The following HSD17B12 variants were observed in gnomAD, a reference collection of about 807,000 sequenced individuals.
HSD17B12 encodes very-long-chain 3-oxoacyl-CoA reductase.
Under a neutral mutation model 39.3 loss-of-function variants are expected in HSD17B12, and 32 were observed. The ratio of observed to expected loss-of-function variants is 0.81; its 90% confidence interval spans 0.61 to 1.09. The LOEUF is 1.09. HSD17B12 is among the 50% of genes least tolerant of loss of function. The probability of loss-of-function intolerance (pLI) is 0.00; values close to 1 mark genes in which losing one functional copy is unlikely to be tolerated. For synonymous variants in HSD17B12, 150 were observed against 146.7 expected (o/e 1.02, Z -0.16); for missense variants, 342 against 382.9 (o/e 0.89, Z 0.89).
intron 1 of HSD17B12, among the ~76,000 whole-genome samples, chr11:43,685,616 G>T (rs1208051366): frequency 6.6e-6 from 1 of 152,174 alleles, no homozygotes; most frequent in Non-Finnish European, 1.5e-5. Flanking sequence ...GAATCAGAGG[G>T]TTTAGTAAAT....
chr11:43,630,569 G>A, the HSD17B12 span, among the ~76,000 whole-genome samples: 2 of 152,160 alleles, frequency 1.3e-5, no homozygotes, highest in Non-Finnish European at 2.9e-5. Context: ...ATGTCCAGCA[G>A]TGAGGTATCT....
chr11:43,590,506 A>ATTTTTTTTTTTTTTGTTTTTTTTTTT, the HSD17B12 span, among the ~76,000 whole-genome samples: 1 of 51,610 alleles, frequency 1.9e-5, no homozygotes, highest in African/African-American at 7.0e-5. Context: ...GGAGTGAGTG[A>ATTTTTTTTTTTTTTGTTTTTTTTTTT]TTTTTTTTTT....
At chr11:43,654,031 T>C in the HSD17B12 span, among the ~76,000 whole-genome samples, 1 of 152,164 alleles carries the variant, frequency 6.6e-6, no homozygotes, top group Non-Finnish European at 1.5e-5. Flanking sequence ...AGTGTTCCTA[T>C]TTCTCCACAT....
At chr11:43,801,698 G>A (rs1950971423) in intron 4 of HSD17B12, among the ~76,000 whole-genome samples, 1 of 151,474 alleles carries the variant, frequency 6.6e-6, no homozygotes, top group Admixed American at 6.6e-5. Context: ...TACAGATATA[G>A]TTTGGAGATT....
chr11:43,654,304 C>A, the HSD17B12 span, among the ~76,000 whole-genome samples: 1 of 152,146 alleles, frequency 6.6e-6, no homozygotes, highest in Admixed American at 6.6e-5. Context: ...AGCCCTTTGT[C>A]AGATGAGTAG....
At chr11:43,594,362 T>C in the HSD17B12 span, among the ~76,000 whole-genome samples, 1 of 151,922 alleles carries the variant, frequency 6.6e-6, no homozygotes, top group Non-Finnish European at 1.5e-5. Flanking sequence ...TAGGGAAAAT[T>C]CTCAGCAAAT....
the HSD17B12 span, among the ~76,000 whole-genome samples, chr11:43,619,194 A>ATTT: frequency 2.8e-5 from 2 of 70,840 alleles, no homozygotes; most frequent in Non-Finnish European, 6.1e-5. Flanking sequence ...ATATATATAT[A>ATTT]TATGATATAT....
Position 43,787,506 on chromosome 11 carries a change from G to A in HSD17B12, c.284-10814G>A, listed in dbSNP as rs1205281542. On this transcript the variant is annotated intron_variant, in intron 3 of 10. Transcript: ENST00000278353. ...AATCCCAACACTGTGGGAGGCCGAA[G>A]CGGGTAGATCACCTGAGGTCAGGAG... Among the ~76,000 whole-genome samples, 7 of 152,126 alleles carry A rather than the reference G, an allele frequency of 4.6e-5. No homozygotes were observed. The East Asian group carries it at 1.2e-3, about 25-fold the overall frequency.
At chr11:43,817,018 A>AT (rs1257577993) in intron 6 of HSD17B12, among the ~76,000 whole-genome samples, 2 of 54,828 alleles carry the variant, frequency 3.6e-5, no homozygotes, top group Non-Finnish European at 3.7e-5. Flanking sequence ...ATCTATATCT[A>AT]TATCTATATC....
chr11:43,816,394 A>G lies in HSD17B12; in HGVS notation c.501+3A>G. On this transcript the variant is annotated splice_donor_region_variant and intron_variant, in intron 6 of 10. Transcript: ENST00000278353. ...TTAATATTCTTTCTGTTTGTAAGGT[A>G]AGCATCCTTGTTATAAAGATGTCAT... 6.6e-7 allele frequency: 1 copy of G among 1,523,246 alleles called. No homozygotes were observed. The highest frequency in any genetic ancestry group is 1.4e-5 in the African/African-American group (1 of 71,168). The allele number at this position is 1,523,246 out of a possible 1,614,324, so 94.4% of individuals were successfully genotyped here.
chr11:43,730,493 A>G (rs188430886), intron 1 of HSD17B12, among the ~76,000 whole-genome samples: 28 of 152,316 alleles, frequency 1.8e-4, no homozygotes, highest in Middle Eastern at 3.4e-3. Flanking sequence ...TTGAGCTTCC[A>G]TGGTTTTGAC....
chr11:43,678,587 A>C (rs1249507121), upstream of HSD17B12, among the ~76,000 whole-genome samples: 2 of 152,230 alleles, frequency 1.3e-5, no homozygotes, highest in African/African-American at 2.4e-5. Flanking sequence ...GTAAGTCTTT[A>C]ATCCATCTTG....
chr11:43,648,186 C>G, the HSD17B12 span, among the ~76,000 whole-genome samples: 1 of 151,856 alleles, frequency 6.6e-6, no homozygotes, highest in South Asian at 2.1e-4. Context: ...CTCAGTGTGC[C>G]TTTGTGGGGT....
intron 5 of HSD17B12, 76 bp from the exon 6 acceptor site, chr11:43,816,271 A>G: frequency 8.4e-7 from 1 of 1,196,164 alleles, no homozygotes; most frequent in Non-Finnish European, 1.1e-6. Context: ...ATGCTTCTCT[A>G]GATTACCTAA....
intron 1 of HSD17B12, chr11:43,718,996 C>T: frequency 9.8e-7 from 1 of 1,016,038 alleles, no homozygotes; most frequent in Middle Eastern, 2.9e-4. Context: ...CCAACAAGCA[C>T]CAGATCAAAA....
the HSD17B12 span, among the ~76,000 whole-genome samples, chr11:43,620,093 T>C: frequency 6.6e-6 from 1 of 152,248 alleles, no homozygotes; most frequent in Non-Finnish European, 1.5e-5. Flanking sequence ...GACTTTATCA[T>C]TGGCTTTGTA....
chr11:43,705,024 A>G (rs1359852251), intron 1 of HSD17B12, among the ~76,000 whole-genome samples: 1 of 152,232 alleles, frequency 6.6e-6, no homozygotes, highest in African/African-American at 2.4e-5. Flanking sequence ...CTACAGATTC[A>G]GTAGAAAAGG....
intron 9 of HSD17B12, among the ~76,000 whole-genome samples, chr11:43,851,828 T>C (rs560596830): frequency 1.1e-3 from 173 of 152,352 alleles, no homozygotes; most frequent in African/African-American, 4.0e-3. Context: ...TTCAGTTTTC[T>C]GTACCGTTTT....
chr11:43,729,086 G>C (rs1329886752), intron 1 of HSD17B12, among the ~76,000 whole-genome samples: 1 of 152,066 alleles, frequency 6.6e-6, no homozygotes, highest in Admixed American at 6.6e-5. Flanking sequence ...CCACATACCA[G>C]CATCTTAAAG....
Sources: gnomAD v4.1 joint callset for allele counts (sites outside exome capture counted in the v4.1 genomes callset) on GRCh38, gnomAD v4.1.1 for gene constraint, MANE v1.5 for transcripts, NCBI Gene and HGNC (gene_info 2026-07-23, HGNC 2026-07-21) for gene names.